Variants in DPYD observed in about 807,000 individuals in gnomAD.
DPYD encodes dihydropyrimidine dehydrogenase [NADP(+)].
In DPYD, 109 loss-of-function variants were observed where a neutral mutation model predicts 116.2. That is an observed-to-expected ratio of 0.94 (90% confidence interval 0.80 to 1.10). The LOEUF (loss-of-function observed/expected upper bound fraction) is 1.10, where lower values mean the gene tolerates loss of function less well. DPYD is among the 50% of genes least tolerant of loss of function. The pLI is 0.00. For synonymous variants in DPYD, 440 were observed against 432.0 expected (o/e 1.02, Z -0.23); for missense variants, 1,302 against 1,254.5 (o/e 1.04, Z -0.57).
intron 16 of DPYD, among the ~76,000 whole-genome samples, chr1:97,363,697 C>G (rs1356027422): frequency 1.3e-5 from 2 of 152,024 alleles, no homozygotes; most frequent in Non-Finnish European, 2.9e-5. Flanking sequence ...CAAACTAGCA[C>G]AAGGACAAAA....
intron 4 of DPYD, among the ~76,000 whole-genome samples, chr1:97,731,270 T>C (rs1382917253): frequency 1.3e-5 from 2 of 152,074 alleles, no homozygotes; most frequent in African/African-American, 2.4e-5. Context: ...CAGTGTGTTA[T>C]TATATTCTAC....
chr1:97,761,928 T>C (rs1429638439), intron 3 of DPYD, among the ~76,000 whole-genome samples: 1 of 152,146 alleles, frequency 6.6e-6, no homozygotes, highest in East Asian at 1.9e-4. Flanking sequence ...TACTACATGC[T>C]ATCACTTATA....
At chr1:97,270,435 A>C (rs922617470) in intron 18 of DPYD, among the ~76,000 whole-genome samples, 2 of 152,136 alleles carry the variant, frequency 1.3e-5, no homozygotes, top group African/African-American at 4.8e-5. Context: ...ATCTAATTAA[A>C]ACACACACAC....
chr1:97,806,670 T>A (rs1557976177), intron 3 of DPYD, among the ~76,000 whole-genome samples: 1 of 151,920 alleles, frequency 6.6e-6, no homozygotes, highest in Non-Finnish European at 1.5e-5. Context: ...CACATCATTA[T>A]CACACAAAGT....
intron 4 of DPYD, among the ~76,000 whole-genome samples, chr1:97,737,870 T>C (rs1347322842): frequency 1.3e-5 from 2 of 152,178 alleles, no homozygotes; most frequent in Non-Finnish European, 2.9e-5. Flanking sequence ...TTCGATTTTG[T>C]TGTTTCTTTA....
chr1:97,798,478 T>C (rs1039496655), intron 3 of DPYD, among the ~76,000 whole-genome samples: 2 of 151,974 alleles, frequency 1.3e-5, no homozygotes, highest in Admixed American at 1.3e-4. Context: ...CTCAATCCTG[T>C]GAGGCAGGTA....
rs555627480 is a variant in DPYD, at chr1:97,721,132, GC to G, written c.483+377del. 2.1e-4 allele frequency among the ~76,000 whole-genome samples: 32 copies of G among 151,834 alleles called. No homozygotes were observed. The South Asian group carries it at 6.2e-3, about 30-fold the overall frequency. On this transcript the variant is annotated intron_variant, in intron 5 of 22. Transcript: ENST00000370192. ...TACAATGAAATATGCTGTATTTCAA[GC>G]TTTAAAGATTAAGGAGAGCTTCAGG... is the stretch of plus-strand genomic sequence containing the variant.
rs893450789 is a variant in DPYD at position 97,627,172 on chromosome 1, G to A, written c.851-32006C>T. On this transcript the variant is annotated intron_variant, in intron 8 of 22. Transcript: ENST00000370192. ...TCCTAATACCATTACAACAAGGGTT[G>A]GGATTTCAACATACACATTTAGGGA... 3.3e-5 allele frequency among the ~76,000 whole-genome samples: 5 copies of A among 151,886 alleles called. 1 individual carries two copies. Among genetic ancestry groups the A allele is most frequent in the South Asian group, 4.1e-4 (2 of 4,822 alleles).
intron 7 of DPYD, among the ~76,000 whole-genome samples, chr1:97,688,459 GA>G (rs1340827338): frequency 1.3e-5 from 2 of 151,842 alleles, no homozygotes; most frequent in African/African-American, 4.8e-5. Context: ...AAAATCAGTG[GA>G]AAAAACTTAT....
At chr1:97,409,568 G>T (rs1199465400) in intron 14 of DPYD, among the ~76,000 whole-genome samples, 1 of 152,210 alleles carries the variant, frequency 6.6e-6, no homozygotes, top group Non-Finnish European at 1.5e-5. Flanking sequence ...TCAAGGACTT[G>T]TAAAAACACA....
intron 18 of DPYD, among the ~76,000 whole-genome samples, chr1:97,287,682 A>T (rs1005189165): frequency 1.3e-5 from 2 of 151,964 alleles, no homozygotes; most frequent in African/African-American, 4.8e-5. Flanking sequence ...TTGATCTCAG[A>T]CTGCTGTGCT....
chr1:97,898,400 C>G (rs1035960475), intron 1 of DPYD, among the ~76,000 whole-genome samples: 3 of 151,828 alleles, frequency 2.0e-5, no homozygotes, highest in African/African-American at 7.2e-5. Context: ...TTGAAGGATT[C>G]CACCAGGCTT....
intron 8 of DPYD, among the ~76,000 whole-genome samples, chr1:97,618,248 A>AT (rs1338335402): frequency 2.6e-5 from 4 of 151,998 alleles, no homozygotes; most frequent in Admixed American, 2.6e-4. Context: ...CTTTTCAATT[A>AT]TTTTTTAAGA....
intron 18 of DPYD, among the ~76,000 whole-genome samples, chr1:97,289,653 A>T (rs954020490): frequency 6.6e-6 from 1 of 151,964 alleles, no homozygotes; most frequent in Non-Finnish European, 1.5e-5. Flanking sequence ...CATGCTAAAA[A>T]CTCTCAATAA....
At chr1:97,702,129 C>T (rs1248792809) in intron 5 of DPYD, among the ~76,000 whole-genome samples, 2 of 151,418 alleles carry the variant, frequency 1.3e-5, no homozygotes, top group African/African-American at 4.8e-5. Flanking sequence ...GAACAAGGAA[C>T]TAAATTCTGG....
At chr1:97,709,487 G>A (rs2100997913) in intron 5 of DPYD, among the ~76,000 whole-genome samples, 1 of 151,548 alleles carries the variant, frequency 6.6e-6, no homozygotes, top group East Asian at 1.9e-4. Flanking sequence ...ATTTTCTTGT[G>A]TATTCATCCT....
At chr1:97,578,876 T>C (rs1293536949) in intron 10 of DPYD, among the ~76,000 whole-genome samples, 2 of 152,052 alleles carry the variant, frequency 1.3e-5, no homozygotes, top group Admixed American at 6.6e-5. Context: ...ACACCTTGAA[T>C]CCAGATAAAG....
chr1:97,590,884 T>A (rs1253026828), intron 10 of DPYD, among the ~76,000 whole-genome samples: 1 of 152,238 alleles, frequency 6.6e-6, no homozygotes, highest in Non-Finnish European at 1.5e-5. Flanking sequence ...GTAGCCATTT[T>A]AAAATTTAAA....
chr1:97,169,603 G>A (rs1025585606), intron 20 of DPYD, among the ~76,000 whole-genome samples: 2 of 146,756 alleles, frequency 1.4e-5, no homozygotes, highest in African/African-American at 5.1e-5. Context: ...GGAGTGCAAT[G>A]GTGCGATCTC....
Sources: gnomAD v4.1 joint callset for allele counts (sites outside exome capture counted in the v4.1 genomes callset) on GRCh38, gnomAD v4.1.1 for gene constraint, MANE v1.5 for transcripts, NCBI Gene and HGNC (gene_info 2026-07-23, HGNC 2026-07-21) for gene names.